The following SLC25A21 variants were observed in gnomAD, a reference collection of about 807,000 sequenced individuals.
SLC25A21 encodes solute carrier family 25 member 21, also known as mitochondrial 2-oxodicarboxylate carrier.
Under a neutral mutation model 43.8 loss-of-function variants are expected in SLC25A21, and 47 were observed. The ratio of observed to expected loss-of-function variants is 1.07; its 90% confidence interval spans 0.85 to 1.37. The LOEUF (loss-of-function observed/expected upper bound fraction) is 1.37, where lower values mean the gene tolerates loss of function less well. Ranked by LOEUF, SLC25A21 falls within the 40% of genes most tolerant of loss-of-function variation. The pLI is 0.00. For synonymous variants in SLC25A21, 131 were observed against 121.3 expected (o/e 1.08, Z -0.52); for missense variants, 352 against 350.2 (o/e 1.00, Z -0.04).
At chr14:36,893,076 G>A (rs1424314411) in intron 1 of SLC25A21, among the ~76,000 whole-genome samples, 1 of 152,166 alleles carries the variant, frequency 6.6e-6, no homozygotes, top group Non-Finnish European at 1.5e-5. Flanking sequence ...TAATGGGATG[G>A]CTGGGTCAAA....
At chr14:36,879,865 T>C (rs1398243032) in intron 1 of SLC25A21, among the ~76,000 whole-genome samples, 1 of 152,096 alleles carries the variant, frequency 6.6e-6, no homozygotes, top group African/African-American at 2.4e-5. Flanking sequence ...TAATCATGAT[T>C]GGTGAGAGAC....
intron 1 of SLC25A21, among the ~76,000 whole-genome samples, chr14:36,881,394 G>A (rs1890720429): frequency 6.6e-6 from 1 of 152,012 alleles, no homozygotes; most frequent in Non-Finnish European, 1.5e-5. Context: ...TCTTAAAACT[G>A]TCACCAACTT....
intron 2 of SLC25A21, among the ~76,000 whole-genome samples, chr14:36,871,324 T>A (rs553778707): frequency 1.6e-4 from 24 of 152,274 alleles, no homozygotes; most frequent in South Asian, 6.2e-4. Context: ...AACAGGCCGT[T>A]ACCAGACATC....
chr14:36,800,601 A>G (rs1279959844), intron 3 of SLC25A21, among the ~76,000 whole-genome samples: 1 of 152,146 alleles, frequency 6.6e-6, no homozygotes, highest in Non-Finnish European at 1.5e-5. Context: ...ATGGGGAATT[A>G]CTGTTTAAGG....
intron 1 of SLC25A21, among the ~76,000 whole-genome samples, chr14:36,983,640 C>A (rs1960079321): frequency 6.6e-6 from 1 of 152,114 alleles, no homozygotes; most frequent in Non-Finnish European, 1.5e-5. Context: ...GACTGGGTAT[C>A]TACCCAAAGG....
intron 1 of SLC25A21, among the ~76,000 whole-genome samples, chr14:37,059,690 ACTT>A (rs1301056476): frequency 6.6e-6 from 1 of 152,210 alleles, no homozygotes; most frequent in African/African-American, 2.4e-5. Context: ...CCTGCAGGCA[ACTT>A]CTTCTATAAT....
At chr14:36,688,532 G>C (rs1240056057) in intron 7 of SLC25A21, among the ~76,000 whole-genome samples, 3 of 152,178 alleles carry the variant, frequency 2.0e-5, no homozygotes, top group Non-Finnish European at 4.4e-5. Context: ...GGATGCCTTT[G>C]CAAGCCCCTG....
At chr14:37,042,325 A>G (rs1268795789) in intron 1 of SLC25A21, among the ~76,000 whole-genome samples, 1 of 152,174 alleles carries the variant, frequency 6.6e-6, no homozygotes, top group Admixed American at 6.5e-5. Context: ...TTTATTTGAT[A>G]TCATCAAAAT....
intron 1 of SLC25A21, among the ~76,000 whole-genome samples, chr14:36,971,512 GA>G (rs1959748442): frequency 6.6e-6 from 1 of 151,978 alleles, no homozygotes; most frequent in Non-Finnish European, 1.5e-5. Context: ...GTAAATATCA[GA>G]CCTGGTCAAG....
chr14:36,967,832 T>TTG (rs904341616), intron 1 of SLC25A21, among the ~76,000 whole-genome samples: 14 of 151,658 alleles, frequency 9.2e-5, no homozygotes, highest in South Asian at 4.1e-4. Context: ...CCACATGCAC[T>TTG]TGTGTGTGTG....
At position 36,679,796 on chromosome 14, in the gene SLC25A21, G is replaced by A. The variant is rs529581996; in HGVS notation, c.*862C>T. On this transcript the variant is annotated 3_prime_UTR_variant, in exon 10 of 10. Transcript: ENST00000331299. ...TGCAAATACTGATGGCTGACAAATG[G>A]GTCCAAAGGTGTTTCCAATTTGTGA... 1 of 985,110 alleles carries A rather than the reference G, an allele frequency of 1.0e-6. No individual in the cohort carries two copies. Among genetic ancestry groups the A allele is most frequent in the African/African-American group, 1.7e-5 (1 of 57,322 alleles). The allele number at this position is 985,110 out of a possible 1,614,324, so 61.0% of individuals were successfully genotyped here. A position where few individuals can be genotyped will look rare whatever the true frequency, so the allele number is the denominator to read the frequency against.
chr14:36,841,108 G>C (rs192298752), intron 2 of SLC25A21, among the ~76,000 whole-genome samples: 1 of 152,292 alleles, frequency 6.6e-6, no homozygotes, highest in Non-Finnish European at 1.5e-5. Context: ...GTTTCTTGGA[G>C]TATAACTGAA....
intron 1 of SLC25A21, among the ~76,000 whole-genome samples, chr14:36,883,367 C>T (rs1449968616): frequency 6.6e-6 from 1 of 152,138 alleles, no homozygotes; most frequent in African/African-American, 2.4e-5. Flanking sequence ...GGTCAACATC[C>T]TTCACGTGGA....
chr14:37,027,326 A>G (rs561873661), intron 1 of SLC25A21, among the ~76,000 whole-genome samples: 19 of 152,270 alleles, frequency 1.2e-4, no homozygotes, highest in African/African-American at 4.6e-4. Flanking sequence ...TCATTTCCCT[A>G]GTTTCCAAGA....
At chr14:37,073,057 A>T (rs1379960166) in intron 1 of SLC25A21, among the ~76,000 whole-genome samples, 1 of 152,228 alleles carries the variant, frequency 6.6e-6, no homozygotes, top group Non-Finnish European at 1.5e-5. Flanking sequence ...TTGACTATTT[A>T]AGTTAAGAAC....
intron 1 of SLC25A21, among the ~76,000 whole-genome samples, chr14:37,060,609 A>T (rs956041022): frequency 2.8e-4 from 25 of 88,896 alleles, no homozygotes; most frequent in African/African-American, 8.2e-4. Flanking sequence ...TAAACACCAC[A>T]CACACACACA....
At chr14:36,719,282 T>C (rs1884280702) in intron 6 of SLC25A21, among the ~76,000 whole-genome samples, 1 of 151,768 alleles carries the variant, frequency 6.6e-6, no homozygotes, top group Non-Finnish European at 1.5e-5. Flanking sequence ...TTTGGGGAGG[T>C]CCTGTAAGGA....
At chr14:37,000,211 C>G (rs1960457233) in intron 1 of SLC25A21, among the ~76,000 whole-genome samples, 1 of 152,130 alleles carries the variant, frequency 6.6e-6, no homozygotes, top group Admixed American at 6.6e-5. Context: ...AAGTCTACCT[C>G]TATATGTATT....
At chr14:37,135,261 T>C (rs1963460316) in intron 1 of SLC25A21, among the ~76,000 whole-genome samples, 1 of 151,928 alleles carries the variant, frequency 6.6e-6, no homozygotes, top group Non-Finnish European at 1.5e-5. Flanking sequence ...TAGCTGGGAA[T>C]GGTGGTGTTC....
Sources: gnomAD v4.1 joint callset for allele counts (sites outside exome capture counted in the v4.1 genomes callset) on GRCh38, gnomAD v4.1.1 for gene constraint, MANE v1.5 for transcripts, NCBI Gene and HGNC (gene_info 2026-07-23, HGNC 2026-07-21) for gene names.